Variants in HUWE1 observed in about 807,000 individuals in gnomAD.
HUWE1 encodes E3 ubiquitin-protein ligase HUWE1.
A neutral mutation model predicts 299.4 loss-of-function variants in HUWE1; 18 were observed. The ratio of observed to expected loss-of-function variants is 0.06; its 90% CI spans 0.04 to 0.09. HUWE1 has a LOEUF of 0.09. Among genes scored for constraint, HUWE1 ranks in the 10% least tolerant of loss-of-function variants. HUWE1 has a pLI of 1.00. For missense variants in HUWE1, 1,832 were observed against 3,462.3 expected (o/e 0.53, Z 11.82); for synonymous variants, 1,317 against 1,286.1 (o/e 1.02, Z -0.51).
At position 53,680,139 on chromosome X, in the gene HUWE1, C is replaced by CT. The variant is rs1383032289; in HGVS notation, c.-116dup. The CT allele has an allele frequency of 3.4e-6, 1 of 295,553 alleles. No individual in the cohort carries two copies. Among genetic ancestry groups the CT allele is most frequent in the African/African-American group, 2.8e-5 (1 of 36,277 alleles). The allele number at this position is 295,553 out of a possible 1,213,427, so 24.4% of individuals were successfully genotyped here. A position where few individuals can be genotyped will look rare whatever the true frequency, so the allele number is the denominator to read the frequency against. Reference sequence around the variant, plus strand: ...GAACCTTCCTGACCAAGTTGGCCTGCTGGTTTCTCTGGATCACTAACCCAC... The same window carrying CT: ...GAACCTTCCTGACCAAGTTGGCCTGCTTGGTTTCTCTGGATCACTAACCCAC... On this transcript the variant is annotated 5_prime_UTR_variant, in exon 3 of 84. Transcript: ENST00000262854.
At chrX:53,673,618 CAA>C (rs1213449210) in intron 3 of HUWE1, among the ~76,000 whole-genome samples, 1 of 111,793 alleles carries the variant, frequency 8.9e-6, no homozygotes, top group African/African-American at 3.3e-5. Context: ...GCTCATGAAA[CAA>C]AGTGTTAAGT....
rs892206125 is a variant in HUWE1, at chrX:53,638,319, G to A, written c.505-4021C>T. Among the ~76,000 whole-genome samples, 5 of 110,907 alleles carry A rather than the reference G, an allele frequency of 4.5e-5. No individual in the cohort carries two copies. In the East Asian group the frequency reaches 1.4e-3, roughly 31 times the overall value. On this transcript the variant is annotated intron_variant, in intron 7 of 83. Transcript: ENST00000262854. The stretch of plus-strand genomic sequence containing the variant: ...CGCGCCACTGCACTCCAGCCTGGGG[G>A]ACAGAGCGAGACTCCGTCTCAAAAA...
At chrX:53,547,552 T>C in intron 68 of HUWE1, 121 bp downstream of exon 68, 1 of 1,061,369 alleles carries the variant, frequency 9.4e-7, no homozygotes, top group Non-Finnish European at 1.3e-6. Flanking sequence ...ACACATTCTG[T>C]TCTCACAAAC....
At chrX:53,669,819 A>C (rs1439232145) in intron 3 of HUWE1, among the ~76,000 whole-genome samples, 1 of 112,524 alleles carries the variant, frequency 8.9e-6, no homozygotes, top group Non-Finnish European at 1.9e-5. Context: ...CCATTACTTC[A>C]GCATAAAAAG....
intron 2 of HUWE1, among the ~76,000 whole-genome samples, chrX:53,682,996 G>A (rs1407545484): frequency 1.8e-5 from 2 of 111,850 alleles, no homozygotes; most frequent in Non-Finnish European, 3.8e-5. Flanking sequence ...ATCCGGATCA[G>A]AGTCATACAA....
intron 17 of HUWE1, among the ~76,000 whole-genome samples, chrX:53,626,658 A>G (rs1043408301): frequency 8.9e-6 from 1 of 111,959 alleles, no homozygotes; most frequent in Non-Finnish European, 1.9e-5. Context: ...ATAACTGAGT[A>G]TAAGATACAC....
Position 53,557,075 on chromosome X carries a change from C to T in HUWE1, c.8206+307G>A, listed in dbSNP as rs782133525. 4 of 381,226 alleles carry T rather than the reference C, an allele frequency of 1.0e-5. No homozygotes were observed. In the South Asian group the frequency reaches 1.4e-4, roughly 13 times the overall value. 31.4% of individuals were successfully genotyped at this position (381,226 alleles called of 1,213,427 possible). A position where few individuals can be genotyped will look rare whatever the true frequency, so the allele number is the denominator to read the frequency against. On this transcript the variant is annotated intron_variant, in intron 60 of 83. Transcript: ENST00000262854. ...TACATGAACATGCTGTTTCAGAGGA[C>T]AGAGTTGCAGTCAGGAAATGAACAA...
intron 2 of HUWE1, 27 bp from the exon 3 acceptor site, chrX:53,680,213 AGT>A: frequency 3.4e-6 from 1 of 295,320 alleles, no homozygotes; most frequent in Non-Finnish European, 5.9e-6. Flanking sequence ...GGGGGAGAGG[AGT>A]GAGATACACA....
intron 3 of HUWE1, among the ~76,000 whole-genome samples, chrX:53,663,513 C>T (rs377723178): frequency 2.4e-4 from 26 of 109,831 alleles, no homozygotes; most frequent in Non-Finnish European, 3.6e-4. Flanking sequence ...AACTCCATCT[C>T]GGGGGAAAAA....
At position 53,682,050 on chromosome X, in the gene HUWE1, G is replaced by C. The variant is rs782758013; in HGVS notation, c.-162-1864C>G. On this transcript the variant is annotated intron_variant, in intron 2 of 83. Coordinates refer to ENST00000262854, the MANE Select transcript of HUWE1 (RefSeq NM_031407.7). Reference sequence around the variant, plus strand: ...ATATAAACGTTATAGATCTGGCCTAGAAATACACCAAGAATGTACAGTTAA... The same window carrying C: ...ATATAAACGTTATAGATCTGGCCTACAAATACACCAAGAATGTACAGTTAA... Among the ~76,000 whole-genome samples, 3 of 111,619 alleles carry C rather than the reference G, an allele frequency of 2.7e-5. No homozygotes were observed. In the Admixed American group the frequency reaches 2.8e-4, roughly 11 times the overall value.
Position 53,588,393 on chromosome X carries a change from G to T in HUWE1, c.4603C>A (p.Leu1535Ile). The T allele has an allele frequency of 8.3e-7, 1 of 1,209,238 alleles. No homozygotes were observed. Residue 1535 changes from leucine to isoleucine, a missense_variant, in exon 37 of 84, where the codon CTA (leucine) becomes ATA (isoleucine). By Grantham distance (5) the Leu-to-Ile change is conservative (BLOSUM62 2). Transcript: ENST00000262854. ...GATCTAAATCTTACCTCAAAAAGTA[G>T]CGTTAAAAGCAAGATTCTAGTAGCC... ...NLATRILLLTLLFEELKLPCA... is the reference protein window; with the variant it reads ...NLATRILLLTILFEELKLPCA...
chrX:53,591,257 A>T, intron 33 of HUWE1, 135 bp from the exon 34 acceptor site: 8 of 669,652 alleles, frequency 1.2e-5, no homozygotes, highest in Non-Finnish European at 1.8e-5. Context: ...AGCTAGGGCA[A>T]TTAGGTAAAA....
In HUWE1 at chrX:53,539,032, C is replaced by T. The variant is rs2061215727; in HGVS notation, c.11681G>A (p.Arg3894Gln). ...GTCTCGGACAGGAGGCTTGCTCTCC[C>T]GCTCTGTGGCATGGACCAGAAAGAA... Reference protein sequence around the residue: ...EAFFLVHATERESKPPVRDTR... With the variant: ...EAFFLVHATEQESKPPVRDTR... Residue 3894 changes from arginine (R) to glutamine (Q), a missense_variant, in exon 76 of 84, where the codon CGG becomes CAG. Coordinates refer to ENST00000262854, the MANE Select transcript of HUWE1 (RefSeq NM_031407.7). 3.3e-6 allele frequency: 4 copies of T among 1,208,662 alleles called. No homozygotes were observed. The highest frequency in any genetic ancestry group is 4.5e-6 in the Non-Finnish European group (4 of 893,830).
At chrX:53,557,489 G>T in intron 59 of HUWE1, 62 bp from the exon 60 acceptor site, 1 of 924,667 alleles carries the variant, frequency 1.1e-6, no homozygotes, top group East Asian at 3.1e-5. Context: ...GAGGTCAACT[G>T]TAATAGTCAC....
Position 53,558,679 on chromosome X carries a change from C to T in HUWE1, c.8136G>A (p.Lys2712=). The T allele has an allele frequency of 1.7e-6, 2 of 1,210,883 alleles. No individual in the cohort carries two copies. Among genetic ancestry groups the T allele is most frequent in the Non-Finnish European group, 2.2e-6 (2 of 894,616 alleles). The part of the protein sequence containing the change: ...TKITDKGKED[K]ENRDQSAQCT... Reference sequence around the variant, plus strand: ...CCTGTGCACTCTGATCCCTGTTCTCCTTATCTTCTTTGCCTTTATCAGTTA... The same window carrying T: ...CCTGTGCACTCTGATCCCTGTTCTCTTTATCTTCTTTGCCTTTATCAGTTA... The change falls in exon 59 of 84, where the codon AAG becomes AAA. Residue 2712 remains lysine, a synonymous_variant. Transcript: ENST00000262854.
chrX:53,630,078 A>G (rs145196138), intron 12 of HUWE1, among the ~76,000 whole-genome samples: 4,657 of 112,204 alleles, frequency 0.042, 78 homozygotes, highest in Middle Eastern at 0.12. Context: ...TGTAATTCAC[A>G]TTCAATGAAT....
At chrX:53,648,433 AGAAAAC>A in intron 4 of HUWE1, 123 bp from the exon 5 acceptor site, 1 of 481,609 alleles carries the variant, frequency 2.1e-6, no homozygotes, top group Non-Finnish European at 3.7e-6. Context: ...TTACTACTTA[AGAAAAC>A]GAGATGTGCC....
chrX:53,546,826 CTT>C lies in HUWE1; in HGVS notation c.10637-3_10637-2del. 1 of 1,204,707 alleles carries C rather than the reference CTT, an allele frequency of 8.3e-7. No homozygotes were observed. ...TTGCTGCCCTTAGTAGTGGGAGAAACTTTGAGGAAACAGACAGAACACTGTAA... is the reference window on the plus strand; with the variant it reads ...TTGCTGCCCTTAGTAGTGGGAGAAACTGAGGAAACAGACAGAACACTGTAA... On this transcript the variant is annotated splice_acceptor_variant and splice_polypyrimidine_tract_variant and intron_variant, in intron 68 of 83. Coordinates refer to ENST00000262854, the MANE Select transcript of HUWE1 (RefSeq NM_031407.7). LOFTEE classifies it high-confidence loss of function.
At chrX:53,550,535 T>C in intron 66 of HUWE1, 131 bp downstream of exon 66, 1 of 592,266 alleles carries the variant, frequency 1.7e-6, no homozygotes, top group Non-Finnish European at 2.8e-6. Context: ...CTCTCACTTA[T>C]TCAAGGAAAT....
Sources: allele counts gnomAD v4.1 joint callset (sites outside exome capture counted in the v4.1 genomes callset), GRCh38; gene constraint gnomAD v4.1.1; transcripts MANE v1.5; gene names NCBI Gene and HGNC (gene_info 2026-07-23, HGNC 2026-07-21).